The following MED6 variants were observed in gnomAD, a reference collection of about 807,000 sequenced individuals.
MED6 encodes the protein mediator of RNA polymerase II transcription subunit 6.
A neutral mutation model predicts 37.5 loss-of-function variants in MED6; 33 were observed. That is an observed-to-expected ratio of 0.88 (90% CI 0.67 to 1.18). The LOEUF (loss-of-function observed/expected upper bound fraction) is 1.18. Ranked by LOEUF, MED6 falls within the 50% of genes most tolerant of loss-of-function variation. The pLI is 0.00. For synonymous variants in MED6, 94 were observed against 93.6 expected, an observed-to-expected ratio of 1.00 and a Z score of -0.02; for missense variants, 235 against 290.6, an observed-to-expected ratio of 0.81 and a Z score of 1.39.
At chr14:70,586,798 C>G (rs1884721221) in intron 6 of MED6, among the ~76,000 whole-genome samples, 1 of 152,182 alleles carries the variant, frequency 6.6e-6, no homozygotes, top group Non-Finnish European at 1.5e-5. Flanking sequence ...TTACACTTAA[C>G]AAGACCAAAA....
rs150139220 is a variant in MED6 at position 70,593,884 on chromosome 14, T to C, written c.275-506A>G. 4.7e-3 allele frequency among the ~76,000 whole-genome samples: 714 copies of C among 152,314 alleles called. 8 individuals are homozygous for C. The highest frequency in any genetic ancestry group is 0.016 in the African/African-American group (676 of 41,572). On this transcript the variant is annotated intron_variant, in intron 3 of 7. Transcript: ENST00000256379. ...CAATGAGCTTGCTTTTGTGCCCCAG[T>C]GCTGGGTCCTAAGGAATAAGATAGC...
At chr14:70,596,316 ACAAG>A (rs1885043866) in intron 3 of MED6, 1 of 253,366 alleles carries the variant, frequency 3.9e-6, no homozygotes, top group African/African-American at 2.2e-5. Context: ...GTGGCCCTTC[ACAAG>A]CAAGAGGGAA....
In MED6 at chr14:70,593,303, G is replaced by A; in HGVS notation, c.350C>T (p.Ser117Phe). 1 of 1,613,054 alleles carries A rather than the reference G, an allele frequency of 6.2e-7. No individual in the cohort carries two copies. Among genetic ancestry groups the A allele is most frequent in the Non-Finnish European group, 8.5e-7 (1 of 1,179,148 alleles). The change falls in exon 4 of 8, where the codon TCT (serine) becomes TTT (phenylalanine). Residue 117 changes from serine (S) to phenylalanine (F), a missense_variant. Coordinates refer to ENST00000256379, the MANE Select transcript of MED6 (RefSeq NM_005466.4). ...GAATGTGAAGACACTTACCACTCTA[G>A]AGTTTATAACTGATCCCAAGTCTGG... The part of the protein sequence containing the change: ...QAPDLGSVIN[S>F]RVLTAVHGIQ...
chr14:70,593,231 T>C (rs774370508), intron 4 of MED6, 65 bp downstream of exon 4: 1 of 1,396,616 alleles, frequency 7.2e-7, no homozygotes, highest in Non-Finnish European at 1.0e-6. Context: ...TCTAGTTTGA[T>C]TACTGGAAGC....
At chr14:70,600,533 A>T (rs1595056986) in intron 1 of MED6, 83 bp downstream of exon 1, 2 of 1,496,304 alleles carry the variant, frequency 1.3e-6, no homozygotes, top group Non-Finnish European at 1.9e-6. Context: ...ACACAAAGGA[A>T]CCTAAACCTT....
intron 1 of MED6, among the ~76,000 whole-genome samples, 167 bp downstream of exon 1, chr14:70,600,449 A>C (rs1007978743): frequency 6.6e-6 from 1 of 151,726 alleles, no homozygotes; most frequent in Non-Finnish European, 1.5e-5. Flanking sequence ...GAAAAAAAAA[A>C]AAACTCGTCA....
At chr14:70,586,295 A>G (rs1393972916) in intron 6 of MED6, among the ~76,000 whole-genome samples, 1 of 152,156 alleles carries the variant, frequency 6.6e-6, no homozygotes, top group East Asian at 1.9e-4. Context: ...AATCTATAGG[A>G]AAAAAAGATA....
intron 6 of MED6, among the ~76,000 whole-genome samples, chr14:70,590,506 G>A (rs1761335388): frequency 6.6e-6 from 1 of 152,140 alleles, no homozygotes; most frequent in South Asian, 2.1e-4. Flanking sequence ...TTGTTCTAAA[G>A]TCATCTCATG....
intron 1 of MED6, among the ~76,000 whole-genome samples, chr14:70,600,346 T>A (rs183115263): frequency 6.6e-6 from 1 of 151,898 alleles, no homozygotes; most frequent in East Asian, 1.9e-4. Flanking sequence ...GAGATACGTG[T>A]GTAGAACAAA....
chr14:70,584,634 C>G lies in MED6; in HGVS notation c.*179G>C, dbSNP rs1375045965. 2 of 718,654 alleles carry G rather than the reference C, an allele frequency of 2.8e-6. No individual in the cohort carries two copies. Among genetic ancestry groups the G allele is most frequent in the African/African-American group, 3.7e-5 (2 of 54,376 alleles). The allele number at this position is 718,654 out of a possible 1,614,324, so 44.5% of individuals were successfully genotyped here. On this transcript the variant is annotated 3_prime_UTR_variant, in exon 8 of 8. Coordinates refer to ENST00000256379, the MANE Select transcript of MED6 (RefSeq NM_005466.4). ...CAAGTGATCCACCCGCCATGGCCTC[C>G]CAAAGTGCTGGGATTACAGGCGTGA...
At chr14:70,585,905 T>A in intron 6 of MED6, 122 bp from the exon 7 acceptor site, 1 of 690,908 alleles carries the variant, frequency 1.4e-6, no homozygotes, top group East Asian at 3.0e-5. Context: ...CCAAATTACA[T>A]TTCAAATGAC....
chr14:70,597,405 T>G (rs2139603857), intron 2 of MED6, among the ~76,000 whole-genome samples: 1 of 152,322 alleles, frequency 6.6e-6, no homozygotes, highest in Admixed American at 6.5e-5. Context: ...ACCTGTTATA[T>G]TGTAATTAAA....
At chr14:70,595,979 C>T (rs1319916870) in intron 3 of MED6, among the ~76,000 whole-genome samples, 1 of 152,216 alleles carries the variant, frequency 6.6e-6, no homozygotes, top group Non-Finnish European at 1.5e-5. Flanking sequence ...CAGTGAGTCG[C>T]TCTGACTGTT....
chr14:70,597,638 C>T lies in MED6; in HGVS notation c.162G>A (p.Arg54=). 1 of 1,515,754 alleles carries T rather than the reference C, an allele frequency of 6.6e-7. No individual in the cohort carries two copies. The highest frequency in any genetic ancestry group is 8.8e-7 in the Non-Finnish European group (1 of 1,137,992). 93.9% of individuals were successfully genotyped at this position (1,515,754 alleles called of 1,614,324 possible). A position where few individuals can be genotyped will look rare whatever the true frequency, so the allele number is the denominator to read the frequency against. The part of the protein sequence containing the change: ...TCNNEVVKMQ[R]LTLEHLNQMV... ...CTTACTTCAAGTGTTCTAATGTTAG[C>T]CTCTGCATTTTGACCACTTCATTAT... The change falls in exon 2 of 8, where the codon AGG becomes AGA. Residue 54 remains arginine (R), a synonymous_variant. Transcript: ENST00000256379.
rs1884861649 is a variant in MED6, at chr14:70,591,263, T to C, written c.582+3A>G. The C allele has an allele frequency of 6.2e-7, 1 of 1,604,248 alleles. No individual in the cohort carries two copies. Among genetic ancestry groups the C allele is most frequent in the African/African-American group, 1.3e-5 (1 of 74,698 alleles). ...CAAGATTAACCACACATATTCTCAT[T>C]ACCTGCACAAATTTGGGTGGAAATT... is the stretch of plus-strand genomic sequence containing the variant. On this transcript the variant is annotated splice_donor_region_variant and intron_variant, in intron 6 of 7. Coordinates refer to ENST00000256379, the MANE Select transcript of MED6 (RefSeq NM_005466.4).
chr14:70,594,185 G>A (rs985608398), intron 3 of MED6, among the ~76,000 whole-genome samples: 4 of 152,112 alleles, frequency 2.6e-5, no homozygotes, highest in Admixed American at 6.5e-5. Context: ...CACCCATCTG[G>A]CTCCCCTATC....
Position 70,597,023 on chromosome 14 carries a change from T to C in MED6, c.183-321A>G, listed in dbSNP as rs1885068622. Among the ~76,000 whole-genome samples the C allele has an allele frequency of 2.0e-5, 3 of 152,248 alleles. No homozygotes were observed. In the South Asian group the frequency reaches 6.2e-4, roughly 32 times the overall value. On this transcript the variant is annotated intron_variant, in intron 2 of 7. Coordinates refer to ENST00000256379, the MANE Select transcript of MED6 (RefSeq NM_005466.4). ...GCAATCAAAATGCCATGATGCTTCC[T>C]GACCAAATCTACGAATACATACAAA...
At position 70,584,687 on chromosome 14, in the gene MED6, C is replaced by A; in HGVS notation, c.*126G>T. On this transcript the variant is annotated 3_prime_UTR_variant, in exon 8 of 8. Transcript: ENST00000256379. ...CACCACATCCGGCCTAATATCCTTT[C>A]AAAAAATAAGCGCATTCCATACAAA... 7.7e-7 allele frequency: 1 copy of A among 1,291,492 alleles called. No homozygotes were observed. The highest frequency in any genetic ancestry group is 1.1e-6 in the Non-Finnish European group (1 of 945,520). The allele number at this position is 1,291,492 out of a possible 1,614,324, so 80.0% of individuals were successfully genotyped here. A position where few individuals can be genotyped will look rare whatever the true frequency, so the allele number is the denominator to read the frequency against.
chr14:70,588,616 G>A (rs1241011172), intron 6 of MED6, among the ~76,000 whole-genome samples: 2 of 151,472 alleles, frequency 1.3e-5, no homozygotes, highest in Non-Finnish European at 2.9e-5. Flanking sequence ...AACCTGGGAG[G>A]TGGAGCTTGC....
Sources: allele counts gnomAD v4.1 joint callset (sites outside exome capture counted in the v4.1 genomes callset), GRCh38; gene constraint gnomAD v4.1.1; transcripts MANE v1.5; gene names NCBI Gene and HGNC (gene_info 2026-07-23, HGNC 2026-07-21).